RSBN1: variants seen among roughly 807,000 people sequenced by gnomAD.
RSBN1 encodes the protein lysine-specific demethylase 9.
Under a neutral mutation model 74.8 loss-of-function variants are expected in RSBN1, and 23 were observed. The observed-to-expected ratio is 0.31, with a 90% CI of 0.22 to 0.44. The LOEUF is 0.44. Ranked by LOEUF, RSBN1 falls within the 20% of genes least tolerant of loss-of-function variation. The pLI is 1.00. For missense variants in RSBN1, 808 were observed against 1,020.9 expected (o/e 0.79, Z 2.84); for synonymous variants, 407 against 379.6 (o/e 1.07, Z -0.84).
chr1:113,801,093 C>A (rs1362429677), intron 1 of RSBN1, among the ~76,000 whole-genome samples: 1 of 151,942 alleles, frequency 6.6e-6, no homozygotes. Flanking sequence ...GAGTCTCCTG[C>A]CTCTCGGCCT....
chr1:113,773,160 G>A (rs1233081813), intron 4 of RSBN1, among the ~76,000 whole-genome samples: 1 of 152,120 alleles, frequency 6.6e-6, no homozygotes, highest in Non-Finnish European at 1.5e-5. Context: ...ATAGAAACAT[G>A]TATAAAGGAA....
At chr1:113,805,188 C>T (rs1282518065) in intron 1 of RSBN1, among the ~76,000 whole-genome samples, 1 of 151,960 alleles carries the variant, frequency 6.6e-6, no homozygotes, top group African/African-American at 2.4e-5. Flanking sequence ...GCAATCTCAG[C>T]TCAGTGCAAC....
intron 1 of RSBN1, among the ~76,000 whole-genome samples, chr1:113,803,583 T>A (rs1330328402): frequency 6.6e-6 from 1 of 152,174 alleles, no homozygotes; most frequent in African/African-American, 2.4e-5. Flanking sequence ...GAAAAACGCA[T>A]GTGAAGTACT....
chr1:113,788,861 C>T (rs767204550), intron 2 of RSBN1, among the ~76,000 whole-genome samples: 3 of 151,982 alleles, frequency 2.0e-5, no homozygotes, highest in Non-Finnish European at 4.4e-5. Context: ...CACAGGAAGA[C>T]CCTCTACCTT....
At chr1:113,774,884 T>C (rs1321050260) in intron 4 of RSBN1, among the ~76,000 whole-genome samples, 1 of 152,014 alleles carries the variant, frequency 6.6e-6, no homozygotes, top group Non-Finnish European at 1.5e-5. Flanking sequence ...AAACCAAGAA[T>C]TGGTTAAATA....
At chr1:113,800,844 AAAC>A (rs1558003806) in intron 1 of RSBN1, among the ~76,000 whole-genome samples, 1 of 152,108 alleles carries the variant, frequency 6.6e-6, no homozygotes, top group African/African-American at 2.4e-5. Flanking sequence ...TCTCAAAAAA[AAAC>A]AACAAAAAAA....
chr1:113,788,993 G>A (rs568995622), intron 2 of RSBN1, among the ~76,000 whole-genome samples: 1 of 152,162 alleles, frequency 6.6e-6, no homozygotes, highest in East Asian at 1.9e-4. Context: ...GTGTGATATT[G>A]TGCAATATGT....
chr1:113,788,053 G>A (rs1289896573), intron 2 of RSBN1, among the ~76,000 whole-genome samples: 1 of 152,014 alleles, frequency 6.6e-6, no homozygotes, highest in African/African-American at 2.4e-5. Flanking sequence ...AAAAGGTATT[G>A]TATCCATGAA....
rs1027840721 is a variant in RSBN1 at position 113,763,443 on chromosome 1, C to G, written c.*2537G>C. ...CAGATTGCTCCATGCCTCACTCCAC[C>G]AAACCAAATAATTTAATGATTTAGA... On this transcript the variant is annotated 3_prime_UTR_variant, in exon 7 of 7. Coordinates refer to ENST00000261441, the MANE Select transcript of RSBN1 (RefSeq NM_018364.5). 1 of 152,610 alleles carries G rather than the reference C, an allele frequency of 6.6e-6. No homozygotes were observed. The highest frequency in any genetic ancestry group is 1.5e-5 in the Non-Finnish European group (1 of 68,028). 9.5% of individuals were successfully genotyped at this position (152,610 alleles called of 1,614,324 possible).
chr1:113,776,732 A>G (rs1660037057), intron 4 of RSBN1, among the ~76,000 whole-genome samples: 1 of 151,390 alleles, frequency 6.6e-6, no homozygotes, highest in Admixed American at 6.6e-5. Flanking sequence ...CTCTCCTGAG[A>G]CCAGAAGTTC....
chr1:113,767,653 T>A (rs376758833), intron 5 of RSBN1, among the ~76,000 whole-genome samples: 4 of 152,160 alleles, frequency 2.6e-5, no homozygotes, highest in Admixed American at 2.0e-4. Context: ...TGCAGGGACA[T>A]GAAGAGATAT....
At chr1:113,797,007 T>G (rs1367320301) in intron 2 of RSBN1, among the ~76,000 whole-genome samples, 1 of 152,218 alleles carries the variant, frequency 6.6e-6, no homozygotes, top group African/African-American at 2.4e-5. Context: ...CGTGTTTTAT[T>G]ATGATATAAA....
intron 2 of RSBN1, among the ~76,000 whole-genome samples, chr1:113,792,202 G>A (rs1045114564): frequency 1.3e-5 from 2 of 152,072 alleles, no homozygotes; most frequent in Non-Finnish European, 2.9e-5. Flanking sequence ...CCTACCCCCA[G>A]CAAACACATA....
At chr1:113,774,412 C>T (rs1168065705) in intron 4 of RSBN1, among the ~76,000 whole-genome samples, 2 of 151,942 alleles carry the variant, frequency 1.3e-5, no homozygotes, top group Non-Finnish European at 2.9e-5. Context: ...CGGTGGCTCA[C>T]GCCTGTAATC....
intron 4 of RSBN1, among the ~76,000 whole-genome samples, chr1:113,773,230 T>A (rs1659915729): frequency 6.6e-6 from 1 of 152,168 alleles, no homozygotes; most frequent in Non-Finnish European, 1.5e-5. Context: ...CAAATTAAAA[T>A]GAGACATTTT....
chr1:113,804,766 A>T (rs904484630), intron 1 of RSBN1, among the ~76,000 whole-genome samples: 1 of 152,232 alleles, frequency 6.6e-6, no homozygotes, highest in Non-Finnish European at 1.5e-5. Flanking sequence ...TATAATCCCA[A>T]TAATTCTCCA....
intron 4 of RSBN1, among the ~76,000 whole-genome samples, chr1:113,773,106 T>C (rs1005082528): frequency 1.3e-5 from 2 of 151,996 alleles, no homozygotes; most frequent in East Asian, 1.9e-4. Flanking sequence ...AAAAGCTTAA[T>C]AGTCATAATA....
chr1:113,783,318 C>T (rs1660173322), intron 2 of RSBN1, among the ~76,000 whole-genome samples: 1 of 152,008 alleles, frequency 6.6e-6, no homozygotes, highest in African/African-American at 2.4e-5. Flanking sequence ...CTGCTGATTA[C>T]CAGTCTATCA....
At chr1:113,810,954 C>T (rs1200637011) in intron 1 of RSBN1, among the ~76,000 whole-genome samples, 2 of 152,140 alleles carry the variant, frequency 1.3e-5, no homozygotes, top group Non-Finnish European at 2.9e-5. Flanking sequence ...CTGACATTTT[C>T]TAGTAAAATA....
Sources: gnomAD v4.1 joint callset for allele counts (sites outside exome capture counted in the v4.1 genomes callset) on GRCh38, gnomAD v4.1.1 for gene constraint, MANE v1.5 for transcripts, NCBI Gene and HGNC (gene_info 2026-07-23, HGNC 2026-07-21) for gene names.